ASXL2: variants seen among roughly 807,000 people sequenced by gnomAD.
ASXL2 encodes putative Polycomb group protein ASXL2.
In ASXL2, 23 loss-of-function variants were observed where a neutral mutation model predicts 122.0. The observed-to-expected ratio is 0.19, with a 90% confidence interval of 0.14 to 0.27. The LOEUF is 0.27. Ranked by LOEUF, ASXL2 falls within the 10% of genes least tolerant of loss-of-function variation. The pLI is 1.00. For missense variants in ASXL2, 1,518 were observed against 1,713.8 expected (o/e 0.89, Z 2.02); for synonymous variants, 650 against 637.0 (o/e 1.02, Z -0.31).
chr2:25,799,645 T>C (rs988436293), intron 4 of ASXL2, 110 bp from the exon 5 acceptor site: 19 of 1,268,076 alleles, frequency 1.5e-5, no homozygotes, highest in East Asian at 4.8e-5. Flanking sequence ...TTTGTTACTA[T>C]AGGATTCAGT....
chr2:25,791,217 G>A (rs1247733639), intron 5 of ASXL2, among the ~76,000 whole-genome samples: 3 of 151,968 alleles, frequency 2.0e-5, no homozygotes, highest in African/African-American at 7.3e-5. Context: ...GGCCGGGCGT[G>A]GAGGCCTACA....
At chr2:25,808,095 G>A (rs917278867) in intron 3 of ASXL2, among the ~76,000 whole-genome samples, 47 of 151,548 alleles carry the variant, frequency 3.1e-4, no homozygotes, top group Non-Finnish European at 5.9e-4. Context: ...GTATATGGGG[G>A]GGAAAAAAAA....
chr2:25,837,563 G>A (rs111792300), intron 2 of ASXL2, among the ~76,000 whole-genome samples: 25 of 152,202 alleles, frequency 1.6e-4, no homozygotes, highest in South Asian at 2.1e-4. Flanking sequence ...TTAAAAAAGC[G>A]TCTTCAGGCC....
intron 4 of ASXL2, among the ~76,000 whole-genome samples, chr2:25,804,213 G>A (rs569967523): frequency 2.6e-5 from 4 of 152,314 alleles, no homozygotes; most frequent in East Asian, 3.9e-4. Flanking sequence ...GCACAGTGAT[G>A]ACTGCAGCTC....
intron 3 of ASXL2, among the ~76,000 whole-genome samples, chr2:25,826,885 A>T (rs1433442606): frequency 6.6e-6 from 1 of 151,136 alleles, no homozygotes; most frequent in Non-Finnish European, 1.5e-5. Flanking sequence ...TCTGTAACCC[A>T]GGCTGGCTCA....
chr2:25,844,116 A>G (rs1020222361), intron 2 of ASXL2, among the ~76,000 whole-genome samples: 8 of 152,176 alleles, frequency 5.3e-5, no homozygotes, highest in Non-Finnish European at 7.3e-5. Flanking sequence ...CTCTTTCTCC[A>G]AGAGTGTTAC....
Position 25,742,848 on chromosome 2 carries a change from A to G in ASXL2, c.3489T>C (p.Tyr1163=). Residue 1163 remains tyrosine (Y), a synonymous_variant, in exon 13 of 13, where the codon TAT becomes TAC. Transcript: ENST00000435504. ...CTCCTGTTGCATTTTTACAGTCTGT[A>G]TATCCCATTTTCAAGGCTTCAGTGG... is the stretch of plus-strand genomic sequence containing the variant. ...SSPTEALKMG[Y]TDCKNATGES... 1 of 1,613,920 alleles carries G rather than the reference A, an allele frequency of 6.2e-7. No homozygotes were observed. The highest frequency in any genetic ancestry group is 1.1e-5 in the South Asian group (1 of 91,076).
rs1315503447 is a variant in ASXL2 at position 25,806,241 on chromosome 2, T to C, written c.240A>G (p.Val80=). ...ACAAAATATTTACCTTCAAAGTATATACTCCCATTCTACCTGGAACCTTAT... is the reference window on the plus strand; with the variant it reads ...ACAAAATATTTACCTTCAAAGTATACACTCCCATTCTACCTGGAACCTTAT... The part of the protein sequence containing the change: ...IFYKVPGRMG[V]YTLKKDVPDG... The change falls in exon 4 of 13, where the codon GTA becomes GTG. Residue 80 remains valine, a synonymous_variant. Transcript: ENST00000435504. The C allele has an allele frequency of 1.2e-6, 2 of 1,608,294 alleles. No homozygotes were observed. Among genetic ancestry groups the C allele is most frequent in the East Asian group, 4.5e-5 (2 of 44,848 alleles).
intron 2 of ASXL2, among the ~76,000 whole-genome samples, chr2:25,838,383 C>T (rs2089537890): frequency 6.6e-6 from 1 of 152,152 alleles, no homozygotes; most frequent in African/African-American, 2.4e-5. Flanking sequence ...TTAATAAGTT[C>T]CAGTTAATAA....
At chr2:25,781,537 T>A (rs1243191510) in intron 5 of ASXL2, among the ~76,000 whole-genome samples, 2 of 152,018 alleles carry the variant, frequency 1.3e-5, no homozygotes, top group African/African-American at 4.8e-5. Context: ...TTACATCTAT[T>A]TATTTACAAT....
chr2:25,787,857 C>G (rs564765590), intron 5 of ASXL2, among the ~76,000 whole-genome samples: 26 of 152,214 alleles, frequency 1.7e-4, no homozygotes, highest in Non-Finnish European at 2.9e-4. Flanking sequence ...GGAGAGGGGA[C>G]ATGTGGAAAC....
intron 1 of ASXL2, among the ~76,000 whole-genome samples, chr2:25,867,991 T>G (rs2089923551): frequency 6.6e-6 from 1 of 152,256 alleles, no homozygotes; most frequent in Admixed American, 6.5e-5. Context: ...ATTCATTTTA[T>G]TTGTAAGTTT....
At chr2:25,790,421 TA>T (rs999417533) in intron 5 of ASXL2, among the ~76,000 whole-genome samples, 160 of 150,076 alleles carry the variant, frequency 1.1e-3, no homozygotes, top group African/African-American at 3.7e-3. Flanking sequence ...AGACCTTGGT[TA>T]AAAAAAAACA....
intron 3 of ASXL2, among the ~76,000 whole-genome samples, chr2:25,812,772 TAAG>T (rs2089187661): frequency 6.6e-6 from 1 of 152,024 alleles, no homozygotes; most frequent in South Asian, 2.1e-4. Context: ...CAAACTCCAT[TAAG>T]AAGAGAATGT....
intron 9 of ASXL2, among the ~76,000 whole-genome samples, chr2:25,756,773 C>A (rs921171355): frequency 6.6e-6 from 1 of 152,296 alleles, no homozygotes; most frequent in East Asian, 1.9e-4. Context: ...ACGGACAATA[C>A]GAAAACTAAC....
In ASXL2 at chr2:25,740,548, GTTTAT is replaced by G. The variant is rs940058162; in HGVS notation, c.*1476_*1480del. 1 of 228,860 alleles carries G rather than the reference GTTTAT, an allele frequency of 4.4e-6. No homozygotes were observed. Among genetic ancestry groups the G allele is most frequent in the South Asian group, 1.8e-4 (1 of 5,512 alleles). The allele number at this position is 228,860 out of a possible 1,614,324, so 14.2% of individuals were successfully genotyped here. On this transcript the variant is annotated 3_prime_UTR_variant, in exon 13 of 13. Transcript: ENST00000435504. Reference sequence around the variant, plus strand: ...AATACAAAATTCTGTTAAACTGCAGGTTTATTTTAATGTTCCTTAACCATGACCTA... The same window carrying G: ...AATACAAAATTCTGTTAAACTGCAGGTTTAATGTTCCTTAACCATGACCTA...
intron 4 of ASXL2, among the ~76,000 whole-genome samples, chr2:25,800,476 A>C (rs2088979228): frequency 6.6e-6 from 1 of 152,224 alleles, no homozygotes; most frequent in South Asian, 2.1e-4. Context: ...TAAATAAAAA[A>C]GAAATCTTTT....
intron 5 of ASXL2, among the ~76,000 whole-genome samples, chr2:25,791,516 A>T (rs1409055740): frequency 6.6e-6 from 1 of 151,566 alleles, no homozygotes; most frequent in African/African-American, 2.4e-5. Flanking sequence ...ACTTTGTACA[A>T]CAAATATCTT....
chr2:25,829,180 T>C (rs946745595), intron 3 of ASXL2, among the ~76,000 whole-genome samples: 1 of 152,096 alleles, frequency 6.6e-6, no homozygotes, highest in African/African-American at 2.4e-5. Flanking sequence ...GAGAATCACC[T>C]GAGCCCAGAA....
Sources: gnomAD v4.1 joint callset for allele counts (sites outside exome capture counted in the v4.1 genomes callset) on GRCh38, gnomAD v4.1.1 for gene constraint, MANE v1.5 for transcripts, NCBI Gene and HGNC (gene_info 2026-07-23, HGNC 2026-07-21) for gene names.